The following DTWD2 variants were observed in gnomAD, a reference collection of about 807,000 sequenced individuals.
The protein encoded by DTWD2 is tRNA-uridine aminocarboxypropyltransferase 2.
DTWD2 carries 39 observed loss-of-function variants against 31.8 expected under a neutral mutation model. The ratio of observed to expected loss-of-function variants is 1.22; its 90% CI spans 0.95 to 1.60. DTWD2 has a LOEUF of 1.60. Ranked by LOEUF, DTWD2 falls within the 40% of genes most tolerant of loss-of-function variation. The probability of loss-of-function intolerance (pLI) is 0.00; values close to 1 mark genes in which losing one functional copy is unlikely to be tolerated. For missense variants in DTWD2, 515 were observed against 381.5 expected (o/e 1.35, Z -2.92); for synonymous variants, 180 against 142.8 (o/e 1.26, Z -1.86).
chr5:118,957,695 G>C (rs1264516151), intron 1 of DTWD2, among the ~76,000 whole-genome samples: 1 of 152,192 alleles, frequency 6.6e-6, no homozygotes, highest in African/African-American at 2.4e-5. Context: ...CTTTAGATGA[G>C]AGTTTCAGAG....
At chr5:118,860,134 A>T (rs1013718118) in intron 4 of DTWD2, among the ~76,000 whole-genome samples, 3 of 150,448 alleles carry the variant, frequency 2.0e-5, no homozygotes, top group African/African-American at 7.3e-5. Flanking sequence ...AATAAATAAA[A>T]ATATATATAA....
intron 1 of DTWD2, among the ~76,000 whole-genome samples, chr5:118,954,832 C>G (rs1754549277): frequency 6.6e-6 from 1 of 152,250 alleles, no homozygotes; most frequent in South Asian, 2.1e-4. Flanking sequence ...GAAGGAATAT[C>G]TTTACATTCC....
Position 118,840,438 on chromosome 5 carries a change from T to C in DTWD2, c.*479A>G, listed in dbSNP as rs1751683763. ...ATTTCCTTATTCCTTTATACTATTTTACAAAATAATAAATTACTTGATTAT... is the reference window on the plus strand; with the variant it reads ...ATTTCCTTATTCCTTTATACTATTTCACAAAATAATAAATTACTTGATTAT... On this transcript the variant is annotated 3_prime_UTR_variant, in exon 6 of 6. Transcript: ENST00000510708. 1 of 152,298 alleles carries C rather than the reference T, an allele frequency of 6.6e-6. No individual in the cohort carries two copies. The allele number at this position is 152,298 out of a possible 1,614,324, so 9.4% of individuals were successfully genotyped here. A position where few individuals can be genotyped will look rare whatever the true frequency, so the allele number is the denominator to read the frequency against.
intron 1 of DTWD2, among the ~76,000 whole-genome samples, chr5:118,958,002 C>T (rs1181034190): frequency 3.3e-5 from 5 of 151,946 alleles, no homozygotes; most frequent in Non-Finnish European, 7.4e-5. Context: ...AAAAATAAGC[C>T]TATCTATTAA....
rs1292727590 is a variant in DTWD2, at chr5:118,939,282, TTTG to T, written c.315_317del (p.Asn105del). 6.4e-7 allele frequency: 1 copy of T among 1,568,656 alleles called. No individual in the cohort carries two copies. The highest frequency in any genetic ancestry group is 2.3e-5 in the East Asian group (1 of 43,226). ...CTAGTAGAGGAACTGTACGCAACAC[TTTG>T]TTTTCCTTTAATTAAAAAATGAATT... is the stretch of plus-strand genomic sequence containing the variant. On this transcript the variant is annotated inframe_deletion, in exon 3 of 6. Coordinates refer to ENST00000510708, the MANE Select transcript of DTWD2 (RefSeq NM_173666.4).
At position 118,848,122 on chromosome 5, in the gene DTWD2, AAAGAGC is replaced by A. The variant is rs1561424142; in HGVS notation, c.688_693del (p.Ala230_Leu231del). The A allele has an allele frequency of 6.3e-7, 1 of 1,580,464 alleles. No homozygotes were observed. The highest frequency in any genetic ancestry group is 2.3e-5 in the East Asian group (1 of 42,922). On this transcript the variant is annotated inframe_deletion, in exon 5 of 6. Coordinates refer to ENST00000510708, the MANE Select transcript of DTWD2 (RefSeq NM_173666.4). ...ATGTAATTATTTTTCTCCAAGATGG[AAAGAGC>A]AACAGCTGCACACTCCAGTGTAGAA...
chr5:118,984,440 G>A (rs1755375930), intron 1 of DTWD2, among the ~76,000 whole-genome samples: 1 of 147,382 alleles, frequency 6.8e-6, no homozygotes, highest in African/African-American at 2.5e-5. Context: ...CAGCCTGGGT[G>A]ACAGAGCAAG....
intron 4 of DTWD2, among the ~76,000 whole-genome samples, chr5:118,920,471 G>T (rs968859420): frequency 3.3e-5 from 5 of 152,106 alleles, no homozygotes; most frequent in African/African-American, 7.2e-5. Context: ...AGGTTACCTG[G>T]AACGGGGGCA....
intron 1 of DTWD2, among the ~76,000 whole-genome samples, chr5:118,969,511 C>G (rs947785421): frequency 6.6e-6 from 1 of 152,124 alleles, no homozygotes; most frequent in Non-Finnish European, 1.5e-5. Context: ...CAGCCTTCAC[C>G]GGTAATATCT....
chr5:118,973,654 CGCG>C (rs1755048869), intron 1 of DTWD2: 8 of 813,652 alleles, frequency 9.8e-6, no homozygotes, highest in African/African-American at 5.1e-5. Context: ...CCTCCTTGCT[CGCG>C]GCAGCCTCCT....
chr5:118,865,057 A>T (rs925022132), intron 4 of DTWD2, among the ~76,000 whole-genome samples: 14 of 152,152 alleles, frequency 9.2e-5, no homozygotes, highest in Admixed American at 2.0e-4. Context: ...CATATAATGT[A>T]CATGGCTTTC....
intron 1 of DTWD2, among the ~76,000 whole-genome samples, chr5:118,947,821 T>C (rs1754373364): frequency 6.6e-6 from 1 of 152,080 alleles, no homozygotes; most frequent in Admixed American, 6.5e-5. Context: ...CTTTTACAGA[T>C]AAAAGTCCTA....
chr5:118,948,679 G>A (rs550469121), intron 1 of DTWD2, among the ~76,000 whole-genome samples: 18 of 152,244 alleles, frequency 1.2e-4, no homozygotes, highest in East Asian at 1.9e-4. Context: ...GCACGGTCCC[G>A]GCTCTCGTGT....
intron 3 of DTWD2, among the ~76,000 whole-genome samples, chr5:118,931,656 A>C (rs1753927188): frequency 6.6e-6 from 1 of 152,252 alleles, no homozygotes; most frequent in Non-Finnish European, 1.5e-5. Context: ...ACTTCAGTAC[A>C]ACCTTGTCAG....
chr5:118,894,430 T>C (rs1204807566), intron 4 of DTWD2, among the ~76,000 whole-genome samples: 1 of 152,184 alleles, frequency 6.6e-6, no homozygotes, highest in Non-Finnish European at 1.5e-5. Context: ...TTAAGGGACA[T>C]ACTACCTGAT....
chr5:118,973,695 G>A (rs1326392665), intron 1 of DTWD2: 72 of 1,404,172 alleles, frequency 5.1e-5, no homozygotes, highest in African/African-American at 6.5e-5. Context: ...TCCGCCACGC[G>A]CCTCCTCCGC....
rs368647685 is a variant in DTWD2, at chr5:118,897,658, C to T, written c.597+30879G>A. ...ATAGATAACTGCAACAATAGCCACACATCAGTGTTAAAAACAATACAGACC... is the reference window on the plus strand; with the variant it reads ...ATAGATAACTGCAACAATAGCCACATATCAGTGTTAAAAACAATACAGACC... On this transcript the variant is annotated intron_variant, in intron 4 of 5. Coordinates refer to ENST00000510708, the MANE Select transcript of DTWD2 (RefSeq NM_173666.4). Among the ~76,000 whole-genome samples, 30 of 152,284 alleles carry T rather than the reference C, an allele frequency of 2.0e-4. No homozygotes were observed. The East Asian group carries it at 5.0e-3, about 25-fold the overall frequency.
chr5:118,973,617 TCGCGGCAGCC>T (rs1755044342), intron 1 of DTWD2, among the ~76,000 whole-genome samples: 2 of 23,386 alleles, frequency 8.6e-5, no homozygotes, highest in Admixed American at 1.4e-3. Flanking sequence ...GCCTCCTTGC[TCGCGGCAGCC>T]TCCTTGCTCG....
intron 4 of DTWD2, among the ~76,000 whole-genome samples, chr5:118,921,369 G>C (rs759582157): frequency 6.6e-6 from 1 of 151,814 alleles, no homozygotes; most frequent in Non-Finnish European, 1.5e-5. Context: ...TTAAAAATTA[G>C]TCAGGTGTGG....
Sources: allele counts gnomAD v4.1 joint callset (sites outside exome capture counted in the v4.1 genomes callset), GRCh38; gene constraint gnomAD v4.1.1; transcripts MANE v1.5; gene names NCBI Gene and HGNC (gene_info 2026-07-23, HGNC 2026-07-21).